Variants in SLC38A12 observed in about 807,000 individuals in gnomAD.
The protein encoded by SLC38A12 is solute carrier family 38 member 12.
the SLC38A12 span, among the ~76,000 whole-genome samples, chr17:74,783,506 T>C: frequency 1.2e-4 from 18 of 151,866 alleles, no homozygotes; most frequent in East Asian, 2.3e-3. Flanking sequence ...GCTGGGGAGG[T>C]GGCACAAGAG....
chr17:74,792,982 G>A, the SLC38A12 span, among the ~76,000 whole-genome samples: 2 of 152,236 alleles, frequency 1.3e-5, no homozygotes, highest in Non-Finnish European at 2.9e-5. Context: ...GAAGGAAGAC[G>A]CATGCTTTTA....
At chr17:74,830,482 G>A in the SLC38A12 span, among the ~76,000 whole-genome samples, 1 of 152,174 alleles carries the variant, frequency 6.6e-6, no homozygotes, top group Non-Finnish European at 1.5e-5. Context: ...TCTGGGGAAA[G>A]GCTGCTTCTC....
At chr17:74,811,982 G>T in the SLC38A12 span, among the ~76,000 whole-genome samples, 1 of 151,910 alleles carries the variant, frequency 6.6e-6, no homozygotes, top group Non-Finnish European at 1.5e-5. Flanking sequence ...GGAGTTCGGG[G>T]CTGCAGTGAG....
At chr17:74,788,615 A>G in the SLC38A12 span, among the ~76,000 whole-genome samples, 1 of 152,238 alleles carries the variant, frequency 6.6e-6, no homozygotes, top group Non-Finnish European at 1.5e-5. Context: ...ATAGACAGCA[A>G]CGTCAAAGCA....
the SLC38A12 span, chr17:74,838,583 G>T: frequency 8.0e-7 from 1 of 1,247,208 alleles, no homozygotes. Context: ...CCCTGCCCTG[G>T]AGGGAACTGG....
At chr17:74,810,178 G>T in the SLC38A12 span, among the ~76,000 whole-genome samples, 12 of 152,334 alleles carry the variant, frequency 7.9e-5, 1 homozygote, top group South Asian at 2.3e-3. Flanking sequence ...TGCCAGCTTG[G>T]CGTGAGCAGC....
At chr17:74,826,694 C>A in the SLC38A12 span, among the ~76,000 whole-genome samples, 1 of 152,194 alleles carries the variant, frequency 6.6e-6, no homozygotes, top group Non-Finnish European at 1.5e-5. Context: ...GAGCCCTCAC[C>A]CACACCACAG....
the SLC38A12 span, chr17:74,785,499 G>A: frequency 6.2e-7 from 1 of 1,613,868 alleles, no homozygotes; most frequent in Admixed American, 1.7e-5. Context: ...TGGTGTACAT[G>A]TTTAACCTCA....
At chr17:74,793,715 A>G in the SLC38A12 span, among the ~76,000 whole-genome samples, 1 of 152,164 alleles carries the variant, frequency 6.6e-6, no homozygotes, top group Non-Finnish European at 1.5e-5. Context: ...TGCAGGCTGT[A>G]CCTGGAGCCT....
the SLC38A12 span, chr17:74,794,914 T>C: frequency 3.1e-6 from 3 of 966,606 alleles, no homozygotes; most frequent in Non-Finnish European, 4.8e-6. Flanking sequence ...CTGAAAGCTA[T>C]GGGAGAGGTA....
chr17:74,785,183 G>T, the SLC38A12 span, among the ~76,000 whole-genome samples: 2 of 152,202 alleles, frequency 1.3e-5, no homozygotes, highest in Non-Finnish European at 2.9e-5. Context: ...TGAGTAGAGC[G>T]CTAGCATCTG....
chr17:74,817,375 G>A, the SLC38A12 span, among the ~76,000 whole-genome samples: 4 of 152,244 alleles, frequency 2.6e-5, no homozygotes, highest in South Asian at 2.1e-4. Context: ...ATCTATGGAC[G>A]TTGCAGCCAT....
the SLC38A12 span, chr17:74,836,377 T>C: frequency 6.2e-7 from 1 of 1,612,320 alleles, no homozygotes; most frequent in Non-Finnish European, 8.5e-7. The surrounding 1 kb of genome is among the most constrained non-coding windows in gnomAD (Gnocchi z 4.2). Flanking sequence ...TACCCGTGGG[T>C]GGTGGACCGC....
At chr17:74,838,859 A>T in the SLC38A12 span, 3 of 1,531,076 alleles carry the variant, frequency 2.0e-6, no homozygotes, top group Admixed American at 5.9e-5. Flanking sequence ...AAAGTAGGCA[A>T]GCTCAGCTTG....
At chr17:74,811,185 C>T in the SLC38A12 span, among the ~76,000 whole-genome samples, 8 of 152,032 alleles carry the variant, frequency 5.3e-5, no homozygotes, top group African/African-American at 1.9e-4. Flanking sequence ...CAAAAATTAG[C>T]GAGGCGTGGT....
the SLC38A12 span, among the ~76,000 whole-genome samples, chr17:74,819,519 G>A: frequency 6.6e-6 from 1 of 152,242 alleles, no homozygotes; most frequent in Non-Finnish European, 1.5e-5. Context: ...AGCATTGTCG[G>A]AACAGTACAT....
chr17:74,827,809 T>C, the SLC38A12 span, among the ~76,000 whole-genome samples: 1 of 152,162 alleles, frequency 6.6e-6, no homozygotes, highest in African/African-American at 2.4e-5. This position sits in a 1 kb window ranked among gnomAD's most constrained non-coding sequence, Gnocchi z 4.7. Flanking sequence ...AGTCCCATTA[T>C]TTAAGGAACA....
chr17:74,785,598 C>T, the SLC38A12 span: 1 of 1,613,436 alleles, frequency 6.2e-7, no homozygotes, highest in African/African-American at 1.3e-5. Flanking sequence ...TCCTGGGCTT[C>T]ATGAGGTGAG....
At chr17:74,835,346 C>T in the SLC38A12 span, among the ~76,000 whole-genome samples, 2 of 152,188 alleles carry the variant, frequency 1.3e-5, no homozygotes, top group Non-Finnish European at 2.9e-5. Context: ...AGGCACTCAC[C>T]TGTCTGCCCA....
Sources: gnomAD v4.1 joint callset for allele counts (sites outside exome capture counted in the v4.1 genomes callset) on GRCh38, gnomAD v4.1.1 for gene constraint, Gnocchi (gnomAD v3.1) non-coding constraint, MANE v1.5 for transcripts, NCBI Gene and HGNC (gene_info 2026-07-23, HGNC 2026-07-21) for gene names.